The following SCARB1 variants were observed in gnomAD, a reference collection of about 807,000 sequenced individuals.
SCARB1 encodes the protein scavenger receptor class B member 1.
A neutral mutation model predicts 57.2 loss-of-function variants in SCARB1; 30 were observed. The ratio of observed to expected loss-of-function variants is 0.52; its 90% CI spans 0.39 to 0.71. The LOEUF (loss-of-function observed/expected upper bound fraction) is 0.71. Among genes scored for constraint, SCARB1 ranks in the 30% least tolerant of loss-of-function variants. The pLI is 0.00. For missense variants in SCARB1, 543 were observed against 671.2 expected (o/e 0.81, Z 2.11); for synonymous variants, 249 against 268.3 (o/e 0.93, Z 0.70).
chr12:124,811,218 G>A (rs1950514673), intron 5 of SCARB1, among the ~76,000 whole-genome samples: 1 of 152,158 alleles, frequency 6.6e-6, no homozygotes, highest in Admixed American at 6.6e-5. Context: ...GGTAGGGGTG[G>A]GAGGTGATAC....
In SCARB1 at chr12:124,822,055, C is replaced by A. The variant is rs1950974384; in HGVS notation, c.127-4348G>T. Reference sequence around the variant, plus strand: ...ACTCCCTCCCATCTGGCGAAATAGACCCTTTGAGCCCAGGAAGGCTGCCTG... The same window carrying A: ...ACTCCCTCCCATCTGGCGAAATAGAACCTTTGAGCCCAGGAAGGCTGCCTG... On this transcript the variant is annotated intron_variant, in intron 1 of 12. Coordinates refer to ENST00000261693, the MANE Select transcript of SCARB1 (RefSeq NM_005505.5). The surrounding 1 kb of genome is among the most constrained non-coding windows in gnomAD (Gnocchi z 5.0). 6.6e-6 allele frequency among the ~76,000 whole-genome samples: 1 copy of A among 152,124 alleles called. No homozygotes were observed. Among genetic ancestry groups the A allele is most frequent in the Non-Finnish European group, 1.5e-5 (1 of 68,020 alleles).
chr12:124,863,832 G>T lies in SCARB1; in HGVS notation c.-112C>A. Reference sequence around the variant, plus strand: ...GACTCCGGGCACGCAGGCCGCAGAGGCACGGTGGATCCGGGACGGCAGCGC... The same window carrying T: ...GACTCCGGGCACGCAGGCCGCAGAGTCACGGTGGATCCGGGACGGCAGCGC... On this transcript the variant is annotated 5_prime_UTR_variant, in exon 1 of 13. Transcript: ENST00000261693. 1 of 1,284,620 alleles carries T rather than the reference G, an allele frequency of 7.8e-7. No individual in the cohort carries two copies. Among genetic ancestry groups the T allele is most frequent in the Non-Finnish European group, 1.0e-6 (1 of 996,908 alleles). The allele number at this position is 1,284,620 out of a possible 1,614,324, so 79.6% of individuals were successfully genotyped here. A position where few individuals can be genotyped will look rare whatever the true frequency, so the allele number is the denominator to read the frequency against.
At chr12:124,787,566 C>A in intron 9 of SCARB1, 109 bp from the exon 10 acceptor site, 1 of 922,446 alleles carries the variant, frequency 1.1e-6, no homozygotes, top group Non-Finnish European at 1.7e-6. Context: ...TTTGCACACA[C>A]TAAACCCTCA....
chr12:124,818,708 C>T (rs112403212), intron 1 of SCARB1, among the ~76,000 whole-genome samples: 24,089 of 106,686 alleles, frequency 0.23, 2,045 homozygotes, highest in Middle Eastern at 0.31. Flanking sequence ...TGCAGTGGCG[C>T]GATCTCGGCT....
chr12:124,778,179 G>A lies in SCARB1; in HGVS notation c.*408C>T, dbSNP rs553675329. 3.3e-5 allele frequency: 11 copies of A among 329,204 alleles called. No individual in the cohort carries two copies. The highest frequency in any genetic ancestry group is 1.6e-4 in the South Asian group (1 of 6,382). The allele number at this position is 329,204 out of a possible 1,614,324, so 20.4% of individuals were successfully genotyped here. ...GTCCTGCATGGGGAGCCACCACACC[G>A]GGACTGCAGTGTTTCACCTTGGAGG... On this transcript the variant is annotated 3_prime_UTR_variant, in exon 13 of 13. Coordinates refer to ENST00000261693, the MANE Select transcript of SCARB1 (RefSeq NM_005505.5).
intron 1 of SCARB1, among the ~76,000 whole-genome samples, chr12:124,849,048 T>C (rs1952283654): frequency 6.6e-6 from 1 of 152,222 alleles, no homozygotes; most frequent in South Asian, 2.1e-4. Context: ...TTTATTAACT[T>C]CATTTTACAG....
At chr12:124,853,110 T>A (rs968951669) in intron 1 of SCARB1, among the ~76,000 whole-genome samples, 2 of 152,066 alleles carry the variant, frequency 1.3e-5, no homozygotes, top group Non-Finnish European at 2.9e-5. Flanking sequence ...AAGGTTACAT[T>A]TAAGCTTCAA....
chr12:124,815,140 C>G (rs1318556467), intron 2 of SCARB1, 26 bp from the exon 3 acceptor site: 3 of 1,610,508 alleles, frequency 1.9e-6, no homozygotes, highest in South Asian at 1.1e-5. Flanking sequence ...GTGGGTCAGA[C>G]GCCCCGCCCC....
At position 124,826,308 on chromosome 12, in the gene SCARB1, G is replaced by A. The variant is rs12305159; in HGVS notation, c.127-8601C>T. Among the ~76,000 whole-genome samples, 910 of 144,834 alleles carry A rather than the reference G, an allele frequency of 6.3e-3. 3 individuals are homozygous for A. The highest frequency in any genetic ancestry group is 0.01 in the East Asian group (48 of 4,742). ...ATCACCCCACTGCACTCTAGCCTGG[G>A]TGACAGAGCGAGACCCTGTCTCAAA... On this transcript the variant is annotated intron_variant, in intron 1 of 12. Transcript: ENST00000261693.
At chr12:124,835,222 C>T (rs1951590142) in intron 1 of SCARB1, among the ~76,000 whole-genome samples, 1 of 151,994 alleles carries the variant, frequency 6.6e-6, no homozygotes, top group Non-Finnish European at 1.5e-5. Context: ...AGTTACAGGG[C>T]CCGTGACCAT....
At position 124,789,482 on chromosome 12, in the gene SCARB1, T is replaced by C. The variant is rs1387281860; in HGVS notation, c.1203-2025A>G. 6.6e-6 allele frequency among the ~76,000 whole-genome samples: 1 copy of C among 151,992 alleles called. No individual in the cohort carries two copies. Among genetic ancestry groups the C allele is most frequent in the African/African-American group, 2.4e-5 (1 of 41,362 alleles). On this transcript the variant is annotated intron_variant, in intron 9 of 12. Coordinates refer to ENST00000261693, the MANE Select transcript of SCARB1 (RefSeq NM_005505.5). This position sits in a 1 kb window ranked among gnomAD's most constrained non-coding sequence, Gnocchi z 4.4. ...AGGGGACCGTGCAGACATGACTGCA[T>C]CAAGGCTCTCAGATGGGGAGAGCGT...
intron 2 of SCARB1, among the ~76,000 whole-genome samples, chr12:124,815,494 C>T (rs1950677124): frequency 6.6e-6 from 1 of 152,236 alleles, no homozygotes; most frequent in South Asian, 2.1e-4. Context: ...ACATCAGCTG[C>T]TGTGACTGTT....
At chr12:124,829,998 T>A (rs1252653519) in intron 1 of SCARB1, among the ~76,000 whole-genome samples, 1 of 152,158 alleles carries the variant, frequency 6.6e-6, no homozygotes, top group Admixed American at 6.5e-5. Context: ...CCATCTTGGA[T>A]CATGAGGCAC....
intron 1 of SCARB1, among the ~76,000 whole-genome samples, chr12:124,839,080 T>A (rs1401791570): frequency 6.6e-6 from 1 of 152,090 alleles, no homozygotes; most frequent in Non-Finnish European, 1.5e-5. Flanking sequence ...CAGCCCAACT[T>A]AGCCATTTTT....
rs187562853 is a variant in SCARB1, at chr12:124,807,970, C to T, written c.843-43G>A. The T allele has an allele frequency of 6.9e-4, 1,102 of 1,601,046 alleles. 8 individuals carry two copies. The African/African-American group carries it at 0.013, about 19-fold the overall frequency. On this transcript the variant is annotated intron_variant, in intron 6 of 12. Transcript: ENST00000261693. The surrounding 1 kb of genome is among the most constrained non-coding windows in gnomAD (Gnocchi z 5.3). ...GATGAGAGGGGACACCCAGACCCGG[C>T]GGCCAGAGCCAGGCCCTGCCAAAGG...
At chr12:124,791,022 T>C (rs2135558939) in intron 9 of SCARB1, among the ~76,000 whole-genome samples, 1 of 152,340 alleles carries the variant, frequency 6.6e-6, no homozygotes, top group South Asian at 2.1e-4. Flanking sequence ...GGAATTTCAG[T>C]ACCTGCCAGG....
rs1263976496 is a variant in SCARB1 at position 124,800,679 on chromosome 12, A to G, written c.1010-437T>C. ...GGGGAGTCTCAAGCGCAAGCCAAGCAGCCCACACTGTCCCCTGCAGGACAC... is the reference window on the plus strand; with the variant it reads ...GGGGAGTCTCAAGCGCAAGCCAAGCGGCCCACACTGTCCCCTGCAGGACAC... On this transcript the variant is annotated intron_variant, in intron 7 of 12. Coordinates refer to ENST00000261693, the MANE Select transcript of SCARB1 (RefSeq NM_005505.5). This position sits in a 1 kb window ranked among gnomAD's most constrained non-coding sequence, Gnocchi z 4.8. 6.6e-6 allele frequency among the ~76,000 whole-genome samples: 1 copy of G among 152,196 alleles called. No homozygotes were observed. Among genetic ancestry groups the G allele is most frequent in the Admixed American group, 6.5e-5 (1 of 15,282 alleles).
chr12:124,781,310 C>A (rs549785513), intron 12 of SCARB1, among the ~76,000 whole-genome samples: 1 of 152,236 alleles, frequency 6.6e-6, no homozygotes. Flanking sequence ...TGCCTCACGT[C>A]CCCACAATGT....
In SCARB1 at chr12:124,817,328, G is replaced by A. The variant is rs1950774883; in HGVS notation, c.284+222C>T. Among the ~76,000 whole-genome samples the A allele has an allele frequency of 7.2e-6, 1 of 138,068 alleles. No homozygotes were observed. Among genetic ancestry groups the A allele is most frequent in the Non-Finnish European group, 1.5e-5 (1 of 65,402 alleles). The allele number at this position is 138,068 out of a possible 152,430, so 90.6% of individuals were successfully genotyped here. A position where few individuals can be genotyped will look rare whatever the true frequency, so the allele number is the denominator to read the frequency against. On this transcript the variant is annotated intron_variant, in intron 2 of 12. Coordinates refer to ENST00000261693, the MANE Select transcript of SCARB1 (RefSeq NM_005505.5). The surrounding 1 kb of genome is among the most constrained non-coding windows in gnomAD (Gnocchi z 4.8). ...GAGCCCAGGACTTCAAAACCAGCCT[G>A]GGCAACATAGCAAGATCCCATCTCT... is the stretch of plus-strand genomic sequence containing the variant.
Sources: gnomAD v4.1 joint callset for allele counts (sites outside exome capture counted in the v4.1 genomes callset) on GRCh38, gnomAD v4.1.1 for gene constraint, Gnocchi (gnomAD v3.1) non-coding constraint, MANE v1.5 for transcripts, NCBI Gene and HGNC (gene_info 2026-07-23, HGNC 2026-07-21) for gene names.